THBS4: variants seen among roughly 807,000 people sequenced by gnomAD.
The protein encoded by THBS4 is thrombospondin-4.
A neutral mutation model predicts 115.7 loss-of-function variants in THBS4; 90 were observed. That is an observed-to-expected ratio of 0.78 (90% CI 0.66 to 0.93). The LOEUF (loss-of-function observed/expected upper bound fraction) is 0.93, where lower values mean the gene tolerates loss of function less well. Among genes scored for constraint, THBS4 ranks in the 40% least tolerant of loss-of-function variants. The pLI, the probability that THBS4 is intolerant of heterozygous loss-of-function variation, is 0.00. For missense variants in THBS4, 1,087 were observed against 1,232.7 expected (o/e 0.88, Z 1.77); for synonymous variants, 460 against 479.3 (o/e 0.96, Z 0.53).
At chr5:80,017,152 A>G (rs968856897) in intron 2 of THBS4, among the ~76,000 whole-genome samples, 2 of 152,234 alleles carry the variant, frequency 1.3e-5, no homozygotes, top group Non-Finnish European at 2.9e-5. Context: ...ATGGAGGCCA[A>G]TGTTCAAGCT....
At chr5:80,005,045 AC>A (rs1473167743) in intron 2 of THBS4, among the ~76,000 whole-genome samples, 1 of 152,112 alleles carries the variant, frequency 6.6e-6, no homozygotes, top group Non-Finnish European at 1.5e-5. Context: ...GCCAAAAAAA[AC>A]AAAACAAAAC....
upstream of THBS4, among the ~76,000 whole-genome samples, chr5:80,035,160 C>G (rs1832669577): frequency 6.6e-6 from 1 of 152,056 alleles, no homozygotes; most frequent in South Asian, 2.1e-4. The surrounding 1 kb of genome is among the most constrained non-coding windows in gnomAD (Gnocchi z 4.6). Flanking sequence ...CTACACCCAC[C>G]CCAGGACCTG....
At chr5:79,994,951 G>A (rs771298981) in intron 1 of THBS4, among the ~76,000 whole-genome samples, 2 of 152,218 alleles carry the variant, frequency 1.3e-5, no homozygotes, top group African/African-American at 2.4e-5. Context: ...AGCTGATCTC[G>A]AAGGGTGGGT....
chr5:80,022,929 G>C (rs761613219), intron 2 of THBS4, among the ~76,000 whole-genome samples: 2 of 152,058 alleles, frequency 1.3e-5, no homozygotes, highest in Admixed American at 6.5e-5. Context: ...GCCTGAGGAT[G>C]GTCCACTCCC....
upstream of THBS4, among the ~76,000 whole-genome samples, chr5:80,031,070 A>G (rs1483928939): frequency 1.3e-5 from 2 of 152,232 alleles, no homozygotes; most frequent in Non-Finnish European, 2.9e-5. Context: ...ATCAAAATCA[A>G]TAATGCCATC....
At chr5:80,078,562 G>A (rs1213696230) in intron 17 of THBS4, among the ~76,000 whole-genome samples, 1 of 152,166 alleles carries the variant, frequency 6.6e-6, no homozygotes, top group Non-Finnish European at 1.5e-5. Flanking sequence ...CCTCCTCATT[G>A]TGTAACTAAG....
chr5:80,037,592 G>A (rs2059794), intron 1 of THBS4, among the ~76,000 whole-genome samples: 13 of 151,980 alleles, frequency 8.6e-5, no homozygotes, highest in Admixed American at 5.2e-4. Context: ...CATCTCTGCC[G>A]CTTGAGAGAG....
intron 2 of THBS4, among the ~76,000 whole-genome samples, chr5:80,011,796 T>A (rs1305843260): frequency 2.0e-5 from 3 of 152,056 alleles, no homozygotes; most frequent in Admixed American, 6.6e-5. Flanking sequence ...TTAGATGCTT[T>A]TCTTCCTAAG....
chr5:80,039,228 A>G (rs1197953968), intron 1 of THBS4, among the ~76,000 whole-genome samples: 1 of 152,188 alleles, frequency 6.6e-6, no homozygotes, highest in Non-Finnish European at 1.5e-5. Flanking sequence ...TTCAAATGAT[A>G]TTTGCGTCTG....
rs780192481 is a variant in THBS4, at chr5:80,083,063, G to A, written c.2825-17G>A. On this transcript the variant is annotated splice_polypyrimidine_tract_variant and intron_variant, in intron 21 of 21. Transcript: ENST00000350881. ...GAAGGAGCCTCGCTAACCTCCCTGT[G>A]CCCATTCCTATTGCAGACACCATCC... The A allele has an allele frequency of 6.2e-7, 1 of 1,612,454 alleles. No homozygotes were observed. Among genetic ancestry groups the A allele is most frequent in the Admixed American group, 1.7e-5 (1 of 60,028 alleles).
chr5:80,056,148 C>A, intron 3 of THBS4, 116 bp downstream of exon 3: 1 of 1,269,564 alleles, frequency 7.9e-7, no homozygotes, highest in Non-Finnish European at 1.1e-6. Flanking sequence ...ATGCCGCTTG[C>A]ACATCAGAAT....
intron 1 of THBS4, among the ~76,000 whole-genome samples, chr5:79,991,790 T>G (rs944211831): frequency 2.0e-5 from 3 of 152,236 alleles, no homozygotes; most frequent in Non-Finnish European, 4.4e-5. Flanking sequence ...ATCTGGAATA[T>G]CTTTCTTCCC....
Position 80,035,635 on chromosome 5 carries a change from T to A in THBS4, c.88+10T>A. On this transcript the variant is annotated intron_variant, in intron 1 of 21. Coordinates refer to ENST00000350881, the MANE Select transcript of THBS4 (RefSeq NM_003248.6). The surrounding 1 kb of genome is among the most constrained non-coding windows in gnomAD (Gnocchi z 4.6). ...CAGGCCACCCCCCAGGGTAAGTGGG[T>A]TCGGGTCGGGCCTGGGAGCGCCGGG... 7.4e-7 allele frequency: 1 copy of A among 1,343,994 alleles called. No individual in the cohort carries two copies. The highest frequency in any genetic ancestry group is 3.0e-5 in the East Asian group (1 of 33,036). 83.3% of individuals were successfully genotyped at this position (1,343,994 alleles called of 1,614,324 possible).
chr5:80,070,595 C>T (rs776673353), intron 11 of THBS4, 48 bp from the exon 12 acceptor site: 1 of 1,568,068 alleles, frequency 6.4e-7, no homozygotes, highest in East Asian at 2.2e-5. Flanking sequence ...CAGTTACTGG[C>T]TTAACACAAA....
chr5:80,022,891 G>C (rs562648125), intron 2 of THBS4, among the ~76,000 whole-genome samples: 2 of 152,180 alleles, frequency 1.3e-5, no homozygotes, highest in East Asian at 3.9e-4. Flanking sequence ...TAGTGTAGTG[G>C]GCTTGGGATC....
In THBS4 at chr5:80,082,505, A is replaced by C. The variant is rs757584863; in HGVS notation, c.2784A>C (p.Gln928His). The C allele has an allele frequency of 6.2e-7, 1 of 1,614,208 alleles. No homozygotes were observed. The highest frequency in any genetic ancestry group is 1.1e-5 in the South Asian group (1 of 91,084). The change falls in exon 21 of 22, where the codon CAA (glutamine) becomes CAC (histidine). Residue 928 changes from glutamine to histidine, a missense_variant. Around this residue, in one of 3 missense-constraint regions of THBS4, gnomAD observed 103 missense variants for 108.2 expected, o/e 0.95. Coordinates refer to ENST00000350881, the MANE Select transcript of THBS4 (RefSeq NM_003248.6). ...GACTTGGCGTTTTCTGCTTCTCTCA[A>C]GAAAACATCATCTGGTCCAACCTCA... ...GGRLGVFCFS[Q>H]ENIIWSNLKY...
intron 2 of THBS4, among the ~76,000 whole-genome samples, chr5:80,005,315 T>G (rs1831993125): frequency 6.6e-6 from 1 of 152,228 alleles, no homozygotes; most frequent in South Asian, 2.1e-4. Context: ...ATTATGGATT[T>G]CTCAAGGTTT....
chr5:80,002,280 C>T (rs1372002035), intron 2 of THBS4, among the ~76,000 whole-genome samples: 2 of 152,118 alleles, frequency 1.3e-5, no homozygotes, highest in Non-Finnish European at 2.9e-5. Context: ...CACACTACCT[C>T]AAGGGCACCT....
chr5:80,072,641 A>G, intron 14 of THBS4: 3 of 489,870 alleles, frequency 6.1e-6, no homozygotes, highest in Middle Eastern at 5.5e-4. Flanking sequence ...CACGAACTTC[A>G]TGATGCTCAA....
Sources: allele counts gnomAD v4.1 joint callset (sites outside exome capture counted in the v4.1 genomes callset), GRCh38; gene constraint gnomAD v4.1.1; regional missense constraint gnomAD v4.1.1; non-coding constraint Gnocchi (gnomAD v3.1); transcripts MANE v1.5; gene names NCBI Gene and HGNC (gene_info 2026-07-23, HGNC 2026-07-21).